GRID1: variants seen among roughly 807,000 people sequenced by gnomAD.
The protein encoded by GRID1 is glutamate receptor ionotropic, delta-1.
GRID1 carries 28 observed loss-of-function variants against 98.0 expected under a neutral mutation model. The ratio of observed to expected loss-of-function variants is 0.29; its 90% CI spans 0.21 to 0.39. GRID1 has a LOEUF of 0.39. Among genes scored for constraint, GRID1 ranks in the 10% least tolerant of loss-of-function variants. GRID1 has a pLI of 1.00. For missense variants in GRID1, 1,111 were observed against 1,340.5 expected, an observed-to-expected ratio of 0.83 and a Z score of 2.67; for synonymous variants, 553 against 538.5, an observed-to-expected ratio of 1.03 and a Z score of -0.37.
chr10:85,619,799 G>C, intron 14 of GRID1, 68 bp downstream of exon 14: 1 of 1,231,174 alleles, frequency 8.1e-7, no homozygotes, highest in Admixed American at 1.9e-5. Flanking sequence ...TCTTCTAAGA[G>C]GTTATTCTCC....
At chr10:85,786,226 T>C (rs1207668296) in intron 8 of GRID1, among the ~76,000 whole-genome samples, 1 of 152,182 alleles carries the variant, frequency 6.6e-6, no homozygotes. Context: ...TGACACGATA[T>C]GATTTTAGTG....
intron 2 of GRID1, among the ~76,000 whole-genome samples, chr10:86,328,008 AG>A (rs5786736): frequency 0.52 from 78,466 of 151,988 alleles, 23,804 homozygotes; most frequent in Non-Finnish European, 0.67. Context: ...CTATCTATTA[AG>A]GGGGGGTATC....
chr10:85,707,970 G>A (rs570943189), intron 12 of GRID1, among the ~76,000 whole-genome samples: 2 of 152,024 alleles, frequency 1.3e-5, no homozygotes, highest in African/African-American at 2.4e-5. Flanking sequence ...TTGTGGGGTC[G>A]GGGGTGTGGG....
intron 4 of GRID1, among the ~76,000 whole-genome samples, chr10:85,988,894 G>A (rs1237216697): frequency 6.6e-6 from 1 of 152,256 alleles, no homozygotes; most frequent in Non-Finnish European, 1.5e-5. Flanking sequence ...TGGTCACAGA[G>A]TCACAGATCC....
intron 2 of GRID1, among the ~76,000 whole-genome samples, chr10:86,275,655 G>T (rs973379128): frequency 2.0e-4 from 31 of 152,096 alleles, no homozygotes; most frequent in Admixed American, 2.0e-3. Flanking sequence ...TCATTAGGGG[G>T]TTAAAGAGCA....
chr10:86,147,901 A>G (rs961962636), intron 3 of GRID1, among the ~76,000 whole-genome samples: 1 of 152,092 alleles, frequency 6.6e-6, no homozygotes, highest in African/African-American at 2.4e-5. Flanking sequence ...GGACACCTCT[A>G]TGCCCCAGAG....
At chr10:86,220,513 AGAGT>A (rs1846237276) in intron 2 of GRID1, among the ~76,000 whole-genome samples, 1 of 152,214 alleles carries the variant, frequency 6.6e-6, no homozygotes. Flanking sequence ...CACTGCAAGA[AGAGT>A]GAGAAGAAAG....
rs144097719 is a variant in GRID1, at chr10:86,125,117, G to A, written c.726+13702C>T. Among the ~76,000 whole-genome samples, 8 of 152,364 alleles carry A rather than the reference G, an allele frequency of 5.3e-5. No homozygotes were observed. In the South Asian group the frequency reaches 6.2e-4, roughly 12 times the overall value. ...ACTGGCATGGACAGGCTCCCTGGAC[G>A]TGCTGCACCCACAGCAAGGACTGGA... On this transcript the variant is annotated intron_variant, in intron 4 of 15. Transcript: ENST00000327946.
chr10:86,216,875 T>A (rs1199248162), intron 2 of GRID1, among the ~76,000 whole-genome samples: 3 of 152,098 alleles, frequency 2.0e-5, no homozygotes, highest in African/African-American at 7.2e-5. Flanking sequence ...GGGACAGGTG[T>A]GGCCACATCC....
chr10:85,957,361 G>A (rs1194564350), intron 4 of GRID1, among the ~76,000 whole-genome samples: 8 of 152,100 alleles, frequency 5.3e-5, no homozygotes, highest in Admixed American at 5.2e-4. Context: ...CACACCCCAT[G>A]AATGATTTCC....
At chr10:86,326,842 G>C (rs937688997) in intron 2 of GRID1, among the ~76,000 whole-genome samples, 1 of 152,158 alleles carries the variant, frequency 6.6e-6, no homozygotes, top group African/African-American at 2.4e-5. Context: ...ATTTTTAAAA[G>C]AATTTTATTT....
At chr10:86,299,326 T>G (rs1047167758) in intron 2 of GRID1, among the ~76,000 whole-genome samples, 1 of 73,078 alleles carries the variant, frequency 1.4e-5, no homozygotes, top group Non-Finnish European at 2.7e-5. Context: ...TCCTGTTCTC[T>G]ATTTCTTTTT....
intron 6 of GRID1, among the ~76,000 whole-genome samples, chr10:85,857,429 A>G (rs1355767233): frequency 6.6e-6 from 1 of 151,804 alleles, no homozygotes; most frequent in Non-Finnish European, 1.5e-5. Context: ...AGAAAATGGC[A>G]CCCACCCTCC....
Position 86,195,922 on chromosome 10 carries a change from A to C in GRID1, c.520+10442T>G, listed in dbSNP as rs1410137296. On this transcript the variant is annotated intron_variant, in intron 3 of 15. Transcript: ENST00000327946. The surrounding 1 kb of genome is among the most constrained non-coding windows in gnomAD (Gnocchi z 4.4). ...TCCTTTTAACATTCCAGAGCAATGC[A>C]ACCAGAGAGAACGGGCTTCCGTTCT... Among the ~76,000 whole-genome samples the C allele has an allele frequency of 6.6e-6, 1 of 152,138 alleles. No homozygotes were observed. Among genetic ancestry groups the C allele is most frequent in the Non-Finnish European group, 1.5e-5 (1 of 67,986 alleles).
At chr10:85,694,494 T>C (rs1446792975) in intron 12 of GRID1, among the ~76,000 whole-genome samples, 4 of 141,980 alleles carry the variant, frequency 2.8e-5, no homozygotes, top group Non-Finnish European at 6.1e-5. Context: ...ATAGCAAAAA[T>C]ATGAAATCAA....
intron 8 of GRID1, among the ~76,000 whole-genome samples, chr10:85,841,739 TG>T (rs1281676382): frequency 6.6e-6 from 1 of 152,056 alleles, no homozygotes; most frequent in Non-Finnish European, 1.5e-5. Context: ...TCAACATCAC[TG>T]ATCATTAAAG....
intron 8 of GRID1, among the ~76,000 whole-genome samples, chr10:85,761,380 T>A (rs952908730): frequency 3.9e-5 from 6 of 152,200 alleles, no homozygotes; most frequent in Non-Finnish European, 7.3e-5. Flanking sequence ...CCTGGAGTTC[T>A]TTCCAGTTTC....
chr10:86,304,511 A>T (rs554122769), intron 2 of GRID1, among the ~76,000 whole-genome samples: 1 of 152,330 alleles, frequency 6.6e-6, no homozygotes, highest in African/African-American at 2.4e-5. Flanking sequence ...GCCCCACAGA[A>T]CTATGCCTCT....
intron 13 of GRID1, among the ~76,000 whole-genome samples, chr10:85,636,759 A>C (rs1359387302): frequency 6.6e-6 from 1 of 152,170 alleles, no homozygotes; most frequent in East Asian, 1.9e-4. Flanking sequence ...CTGACAAATA[A>C]ATATTCTTTT....
Sources: gnomAD v4.1 joint callset for allele counts (sites outside exome capture counted in the v4.1 genomes callset) on GRCh38, gnomAD v4.1.1 for gene constraint, Gnocchi (gnomAD v3.1) non-coding constraint, MANE v1.5 for transcripts, NCBI Gene and HGNC (gene_info 2026-07-23, HGNC 2026-07-21) for gene names.